The following LAMA2 variants were observed in gnomAD, a reference collection of about 807,000 sequenced individuals.
LAMA2 encodes laminin subunit alpha 2.
In LAMA2, 269 loss-of-function variants were observed where a neutral mutation model predicts 364.8. The observed-to-expected ratio is 0.74, with a 90% CI of 0.67 to 0.82. LAMA2 has a LOEUF of 0.82. Among genes scored for constraint, LAMA2 ranks in the 40% least tolerant of loss-of-function variants. LAMA2 has a pLI of 0.00. For missense variants in LAMA2, 3,807 were observed against 3,873.2 expected, an observed-to-expected ratio of 0.98 and a Z score of 0.45; for synonymous variants, 1,379 against 1,370.6, an observed-to-expected ratio of 1.01 and a Z score of -0.14.
intron 3 of LAMA2, among the ~76,000 whole-genome samples, chr6:129,060,597 T>A (rs917259876): frequency 2.0e-5 from 3 of 152,212 alleles, no homozygotes; most frequent in African/African-American, 4.8e-5. Context: ...CCTATTTGTA[T>A]GCCTAAATAA....
At chr6:129,176,528 A>G (rs1221390585) in intron 9 of LAMA2, among the ~76,000 whole-genome samples, 1 of 152,014 alleles carries the variant, frequency 6.6e-6, no homozygotes, top group African/African-American at 2.4e-5. Flanking sequence ...ATTTTCAGCC[A>G]TTGACTTTTA....
chr6:129,247,412 C>A (rs1785831678), intron 12 of LAMA2, among the ~76,000 whole-genome samples: 1 of 152,158 alleles, frequency 6.6e-6, no homozygotes, highest in Non-Finnish European at 1.5e-5. Context: ...GATGGTGCCA[C>A]TCCACATCAG....
At chr6:129,500,033 A>ACAT (rs113024882) in intron 58 of LAMA2, among the ~76,000 whole-genome samples, 60 of 152,180 alleles carry the variant, frequency 3.9e-4, no homozygotes, top group African/African-American at 1.4e-3. Flanking sequence ...GGGATTAAAA[A>ACAT]CATGAGCCAC....
intron 1 of LAMA2, among the ~76,000 whole-genome samples, chr6:128,951,690 A>C (rs1780830509): frequency 6.6e-6 from 1 of 152,182 alleles, no homozygotes; most frequent in South Asian, 2.1e-4. Context: ...ATTCTCCTTT[A>C]AAGAGGCAAA....
intron 29 of LAMA2, among the ~76,000 whole-genome samples, chr6:129,340,290 T>A (rs1776188083): frequency 6.6e-6 from 1 of 151,912 alleles, no homozygotes; most frequent in Non-Finnish European, 1.5e-5. Flanking sequence ...ATTTGAGACC[T>A]CACAGATTTT....
intron 3 of LAMA2, among the ~76,000 whole-genome samples, chr6:129,078,685 C>A (rs1428497125): frequency 6.6e-6 from 1 of 151,994 alleles, no homozygotes. Context: ...AATTTTTTAT[C>A]TTAGCCACTT....
intron 12 of LAMA2, among the ~76,000 whole-genome samples, chr6:129,220,261 CAT>C (rs1366344058): frequency 1.3e-5 from 2 of 152,048 alleles, no homozygotes; most frequent in Admixed American, 1.3e-4. Context: ...CTTCAAAAAA[CAT>C]ATAGTGAAAT....
rs577026619 is a variant in LAMA2, at chr6:129,347,993, A to C, written c.4437-1305A>C. ...CTTTAGAGTTTCTCTTGAAATGTCT[A>C]AAATCTGTTTCTTAGAGCCCATATA... On this transcript the variant is annotated intron_variant, in intron 30 of 64. Coordinates refer to ENST00000421865, the MANE Select transcript of LAMA2 (RefSeq NM_000426.4). 3.9e-5 allele frequency among the ~76,000 whole-genome samples: 6 copies of C among 152,198 alleles called. 1 individual carries two copies. The highest frequency in any genetic ancestry group is 4.1e-4 in the South Asian group (2 of 4,834).
intron 1 of LAMA2, among the ~76,000 whole-genome samples, chr6:128,922,155 C>T (rs993489549): frequency 6.6e-6 from 1 of 151,968 alleles, no homozygotes; most frequent in Non-Finnish European, 1.5e-5. Flanking sequence ...GTGAAAAATG[C>T]CACAATAAAC....
At position 129,260,661 on chromosome 6, in the gene LAMA2, A is replaced by C. The variant is rs749300520; in HGVS notation, c.2097-50A>C. On this transcript the variant is annotated intron_variant, in intron 14 of 64. Transcript: ENST00000421865. ...TGCTGTACGATTCCTACAGCTGTAT[A>C]ATACCTAAGAACTTTACTTATTCAC... 8 of 1,096,144 alleles carry C rather than the reference A, an allele frequency of 7.3e-6. 1 individual carries two copies. In the South Asian group the frequency reaches 9.9e-5, roughly 14 times the overall value. 67.9% of individuals were successfully genotyped at this position (1,096,144 alleles called of 1,614,324 possible).
chr6:129,131,102 A>T (rs557257073), intron 4 of LAMA2, among the ~76,000 whole-genome samples: 5 of 152,346 alleles, frequency 3.3e-5, no homozygotes, highest in Admixed American at 3.3e-4. Context: ...ATTACAAATA[A>T]TTGAAAACAA....
chr6:129,319,471 T>G (rs1175773268), intron 27 of LAMA2, among the ~76,000 whole-genome samples: 1 of 152,198 alleles, frequency 6.6e-6, no homozygotes, highest in Admixed American at 6.5e-5. Flanking sequence ...ATATGTACTC[T>G]TAACATTTGA....
At chr6:129,131,005 G>A (rs1255904470) in intron 4 of LAMA2, among the ~76,000 whole-genome samples, 2 of 152,000 alleles carry the variant, frequency 1.3e-5, no homozygotes, top group Non-Finnish European at 2.9e-5. Context: ...TTTTCTTTTT[G>A]CTAAGAAAGA....
chr6:128,992,209 A>C (rs1783652645), intron 1 of LAMA2, among the ~76,000 whole-genome samples: 1 of 152,244 alleles, frequency 6.6e-6, no homozygotes, highest in African/African-American at 2.4e-5. Context: ...GCGGCCAGTG[A>C]GCAAGCGCAA....
At chr6:129,311,124 A>T (rs1346143983) in intron 22 of LAMA2, among the ~76,000 whole-genome samples, 1 of 150,344 alleles carries the variant, frequency 6.7e-6, no homozygotes, top group Non-Finnish European at 1.5e-5. Flanking sequence ...AATGATGAAG[A>T]TTCTTTTTTT....
chr6:129,159,008 T>A, intron 8 of LAMA2: 1 of 1,584,740 alleles, frequency 6.3e-7, no homozygotes, highest in South Asian at 1.1e-5. Context: ...CTGGTCGGAG[T>A]CTGATTTCAT....
chr6:129,140,992 G>A (rs1481394916), intron 4 of LAMA2, among the ~76,000 whole-genome samples: 1 of 152,046 alleles, frequency 6.6e-6, no homozygotes, highest in African/African-American at 2.4e-5. Context: ...GTATGTTTAA[G>A]TGAGAAACTT....
chr6:129,286,072 A>G (rs1027895473), intron 18 of LAMA2, among the ~76,000 whole-genome samples: 2 of 152,138 alleles, frequency 1.3e-5, no homozygotes, highest in Admixed American at 6.6e-5. Flanking sequence ...AGTACTCTCA[A>G]TATAATGTAC....
At chr6:129,424,812 G>A (rs772062994) in intron 40 of LAMA2, among the ~76,000 whole-genome samples, 5 of 152,076 alleles carry the variant, frequency 3.3e-5, no homozygotes, top group South Asian at 2.1e-4. Flanking sequence ...TCTTAAAAAC[G>A]TAAACATAAA....
Sources: allele counts gnomAD v4.1 joint callset (sites outside exome capture counted in the v4.1 genomes callset), GRCh38; gene constraint gnomAD v4.1.1; transcripts MANE v1.5; gene names NCBI Gene and HGNC (gene_info 2026-07-23, HGNC 2026-07-21).